The following IMMP2L variants were observed in gnomAD, a reference collection of about 807,000 sequenced individuals.
The protein encoded by IMMP2L is inner mitochondrial membrane peptidase subunit 2.
A neutral mutation model predicts 19.3 loss-of-function variants in IMMP2L; 18 were observed. The observed-to-expected ratio is 0.93, with a 90% CI of 0.64 to 1.38. The LOEUF is 1.38. Ranked by LOEUF, IMMP2L falls within the 40% of genes most tolerant of loss-of-function variation. The pLI is 0.00. For synonymous variants in IMMP2L, 76 were observed against 73.0 expected, an observed-to-expected ratio of 1.04 and a Z score of -0.21; for missense variants, 233 against 218.2, an observed-to-expected ratio of 1.07 and a Z score of -0.43.
chr7:110,890,897 T>A (rs1291787833), intron 4 of IMMP2L, among the ~76,000 whole-genome samples: 1 of 152,164 alleles, frequency 6.6e-6, no homozygotes, highest in African/African-American at 2.4e-5. Flanking sequence ...ATCGGGTGAA[T>A]ACAAAAGTAT....
chr7:111,017,370 T>C (rs1825821857), intron 3 of IMMP2L, among the ~76,000 whole-genome samples: 1 of 152,016 alleles, frequency 6.6e-6, no homozygotes, highest in Non-Finnish European at 1.5e-5. Flanking sequence ...AGCCTTGTTA[T>C]TTTTAACTCC....
intron 3 of IMMP2L, among the ~76,000 whole-genome samples, chr7:111,286,184 A>G (rs1820459610): frequency 6.6e-6 from 1 of 152,194 alleles, no homozygotes; most frequent in African/African-American, 2.4e-5. Flanking sequence ...AAAGTTTAAC[A>G]GAAGTACAGT....
intron 1 of IMMP2L, among the ~76,000 whole-genome samples, chr7:111,538,103 C>T (rs928338687): frequency 1.5e-4 from 23 of 152,098 alleles, no homozygotes; most frequent in African/African-American, 5.3e-4. Flanking sequence ...CCTAGCACAG[C>T]ATTTATCACA....
intron 3 of IMMP2L, among the ~76,000 whole-genome samples, chr7:111,182,051 A>G (rs1318733754): frequency 5.3e-5 from 8 of 152,068 alleles, no homozygotes; most frequent in African/African-American, 1.7e-4. Flanking sequence ...ACATAAAAAG[A>G]GGTTTTAAAA....
At chr7:111,076,600 T>G (rs1051849177) in intron 3 of IMMP2L, among the ~76,000 whole-genome samples, 4 of 152,200 alleles carry the variant, frequency 2.6e-5, no homozygotes, top group Non-Finnish European at 5.9e-5. Context: ...GGACCCTTTG[T>G]CCATTAGCCT....
chr7:111,201,336 G>A (rs1017401238), intron 3 of IMMP2L, among the ~76,000 whole-genome samples: 1 of 150,996 alleles, frequency 6.6e-6, no homozygotes, highest in Non-Finnish European at 1.5e-5. Context: ...AGTTTTTTGA[G>A]AATTATAATA....
chr7:110,747,018 A>C (rs1584703581), intron 5 of IMMP2L, among the ~76,000 whole-genome samples: 1 of 152,284 alleles, frequency 6.6e-6, no homozygotes, highest in East Asian at 1.9e-4. Flanking sequence ...AAGACTAATA[A>C]AGAAACAAGA....
At chr7:111,387,744 A>G (rs138785211) in intron 3 of IMMP2L, among the ~76,000 whole-genome samples, 1,948 of 152,104 alleles carry the variant, frequency 0.013, 11 homozygotes, top group Middle Eastern at 0.024. Flanking sequence ...TTGGGAGGCC[A>G]AGGTGGGCAG....
chr7:110,978,958 A>G (rs1369700082), intron 3 of IMMP2L, among the ~76,000 whole-genome samples: 1 of 152,028 alleles, frequency 6.6e-6, no homozygotes, highest in Non-Finnish European at 1.5e-5. Context: ...ATATAAATAT[A>G]CTTTTTAGTA....
intron 3 of IMMP2L, among the ~76,000 whole-genome samples, chr7:111,398,718 T>C (rs1002405470): frequency 6.6e-6 from 1 of 151,902 alleles, no homozygotes; most frequent in Non-Finnish European, 1.5e-5. Context: ...TCATTTACCT[T>C]GAAAACCCTA....
At chr7:110,718,975 A>G (rs1002536973) in intron 5 of IMMP2L, among the ~76,000 whole-genome samples, 4 of 152,212 alleles carry the variant, frequency 2.6e-5, no homozygotes, top group Non-Finnish European at 5.9e-5. Context: ...CTGGAATGAC[A>G]TAATATTCTA....
chr7:110,761,278 T>C (rs910132088), intron 5 of IMMP2L, among the ~76,000 whole-genome samples: 47 of 152,114 alleles, frequency 3.1e-4, no homozygotes, highest in African/African-American at 9.2e-4. Context: ...AATATAGCCA[T>C]TCCTCTTTAT....
chr7:110,922,451 CA>C (rs1814394503), intron 4 of IMMP2L, among the ~76,000 whole-genome samples: 1 of 152,056 alleles, frequency 6.6e-6, no homozygotes, highest in South Asian at 2.1e-4. Flanking sequence ...ATGTAAAATA[CA>C]AAACTCCCCA....
chr7:110,933,692 G>C (rs1815755188), intron 4 of IMMP2L, among the ~76,000 whole-genome samples: 4 of 152,118 alleles, frequency 2.6e-5, no homozygotes, highest in Admixed American at 2.6e-4. Flanking sequence ...TTAATCCATG[G>C]ATAATGCCTG....
At chr7:111,178,035 T>C (rs1005858563) in intron 3 of IMMP2L, among the ~76,000 whole-genome samples, 5 of 152,116 alleles carry the variant, frequency 3.3e-5, no homozygotes, top group Admixed American at 1.3e-4. Context: ...TACTATTTCT[T>C]ACTAGCTAGG....
chr7:111,185,589 T>G (rs562450713), intron 3 of IMMP2L, among the ~76,000 whole-genome samples: 1 of 152,278 alleles, frequency 6.6e-6, no homozygotes, highest in Admixed American at 6.5e-5. Context: ...CAAAAATTAC[T>G]GAAGCTGAAA....
intron 3 of IMMP2L, among the ~76,000 whole-genome samples, chr7:111,178,811 T>C (rs1164790382): frequency 6.6e-6 from 1 of 152,074 alleles, no homozygotes; most frequent in African/African-American, 2.4e-5. Flanking sequence ...ACCACACCTG[T>C]AGTTACTCTC....
intron 3 of IMMP2L, among the ~76,000 whole-genome samples, chr7:111,403,642 A>C (rs752606044): frequency 4.6e-4 from 70 of 152,132 alleles, no homozygotes; most frequent in Non-Finnish European, 9.7e-4. Flanking sequence ...TTTATTACAC[A>C]TGAAGAATCA....
intron 3 of IMMP2L, among the ~76,000 whole-genome samples, chr7:111,068,910 A>G (rs1794730652): frequency 6.6e-6 from 1 of 152,196 alleles, no homozygotes; most frequent in Non-Finnish European, 1.5e-5. Flanking sequence ...ATCAGGGATG[A>G]TAGCCAATAC....
Sources: gnomAD v4.1 joint callset for allele counts (sites outside exome capture counted in the v4.1 genomes callset) on GRCh38, gnomAD v4.1.1 for gene constraint, MANE v1.5 for transcripts, NCBI Gene and HGNC (gene_info 2026-07-23, HGNC 2026-07-21) for gene names.